LRRTM3: variants seen among roughly 807,000 people sequenced by gnomAD.
LRRTM3 encodes the protein leucine-rich repeat transmembrane neuronal protein 3.
Under a neutral mutation model 44.7 loss-of-function variants are expected in LRRTM3, and 24 were observed. The ratio of observed to expected loss-of-function variants is 0.54; its 90% CI spans 0.39 to 0.76. The LOEUF (loss-of-function observed/expected upper bound fraction) is 0.76. LRRTM3 is among the 30% of genes least tolerant of loss of function. LRRTM3 has a pLI of 0.00. For synonymous variants in LRRTM3, 277 were observed against 278.7 expected, an observed-to-expected ratio of 0.99 and a Z score of 0.06; for missense variants, 587 against 702.2, an observed-to-expected ratio of 0.84 and a Z score of 1.85.
intron 2 of LRRTM3, among the ~76,000 whole-genome samples, chr10:67,085,344 A>C (rs1857245583): frequency 6.6e-6 from 1 of 151,876 alleles, no homozygotes; most frequent in Non-Finnish European, 1.5e-5. Flanking sequence ...CTATGAAATA[A>C]AGTAAGAAAA....
chr10:66,997,095 C>T (rs1851397396), intron 2 of LRRTM3, among the ~76,000 whole-genome samples: 1 of 152,088 alleles, frequency 6.6e-6, no homozygotes, highest in South Asian at 2.1e-4. Context: ...GATGTGATGG[C>T]AAGAATAAGA....
intron 2 of LRRTM3, among the ~76,000 whole-genome samples, chr10:67,086,322 G>GA (rs1302260674): frequency 2.0e-5 from 3 of 152,110 alleles, no homozygotes; most frequent in Admixed American, 1.3e-4. Flanking sequence ...GATGCATACA[G>GA]AATATCACTT....
Position 67,097,771 on chromosome 10 carries a change from G to T in LRRTM3, c.1721G>T (p.Ser574Ile), listed in dbSNP as rs1858099440. Reference protein sequence around the residue: ...LSTITTAGRISDHKQQLA With the variant: ...LSTITTAGRIIDHKQQLA The stretch of plus-strand genomic sequence containing the variant: ...ACAATCACAACAGCTGGCCGAATCA[G>T]TGACCATAAACAGCAGCTAGCTTAA... The change falls in exon 3 of 3, where the codon AGT becomes ATT. Residue 574 changes from serine (S) to isoleucine (I), a missense_variant. Ser to Ile is a moderately radical substitution (Grantham distance 142, BLOSUM62 -2). This residue lies in a region of LRRTM3 where 315 missense variants were observed against 335.6 expected (regional missense o/e 0.94). Coordinates refer to ENST00000361320, the MANE Select transcript of LRRTM3 (RefSeq NM_178011.5). The T allele has an allele frequency of 1.2e-6, 2 of 1,612,434 alleles. No homozygotes were observed. The highest frequency in any genetic ancestry group is 1.7e-6 in the Non-Finnish European group (2 of 1,178,922).
At chr10:67,080,770 G>A (rs1857007739) in intron 2 of LRRTM3, among the ~76,000 whole-genome samples, 2 of 152,030 alleles carry the variant, frequency 1.3e-5, no homozygotes, top group African/African-American at 4.8e-5. Context: ...TTAGCCCGGC[G>A]TGGTGGCGGG....
At chr10:66,994,119 A>G (rs1270639624) in intron 2 of LRRTM3, among the ~76,000 whole-genome samples, 1 of 152,204 alleles carries the variant, frequency 6.6e-6, no homozygotes, top group Non-Finnish European at 1.5e-5. Context: ...AGTAGCATTC[A>G]TGTAGTAAGT....
intron 2 of LRRTM3, among the ~76,000 whole-genome samples, chr10:67,069,093 AAAG>A (rs1856275744): frequency 6.6e-6 from 1 of 152,024 alleles, no homozygotes; most frequent in Non-Finnish European, 1.5e-5. Flanking sequence ...AGAAACAGAA[AAAG>A]AAAAAGAAGA....
chr10:67,097,474 G>A (rs185348201), intron 2 of LRRTM3, 113 bp from the exon 3 acceptor site: 2 of 865,448 alleles, frequency 2.3e-6, no homozygotes, highest in South Asian at 3.1e-5. Flanking sequence ...TGGGCCACAG[G>A]GCCACAGATA....
At position 66,928,240 on chromosome 10, in the gene LRRTM3, T is replaced by G; in HGVS notation, c.1324T>G (p.Trp442Gly). The change falls in exon 2 of 3, where the codon TGG (tryptophan) becomes GGG (glycine). Residue 442 changes from tryptophan to glycine, a missense_variant. This residue lies in a region of LRRTM3 where 315 missense variants were observed against 335.6 expected (regional missense o/e 0.94). Coordinates refer to ENST00000361320, the MANE Select transcript of LRRTM3 (RefSeq NM_178011.5). ...LVILLVIYVS[W>G]KRYPASMKQL... is the part of the protein sequence containing the mutation. ...CATCCTGCTGGTTATCTACGTGTCATGGAAGCGGTACCCTGCGAGCATGAA... is the reference window on the plus strand; with the variant it reads ...CATCCTGCTGGTTATCTACGTGTCAGGGAAGCGGTACCCTGCGAGCATGAA... The G allele has an allele frequency of 6.2e-7, 1 of 1,614,132 alleles. No homozygotes were observed. The highest frequency in any genetic ancestry group is 8.5e-7 in the Non-Finnish European group (1 of 1,180,038).
chr10:66,927,644 T>C lies in LRRTM3; in HGVS notation c.728T>C (p.Val243Ala), dbSNP rs1303817792. The C allele has an allele frequency of 6.2e-7, 1 of 1,614,056 alleles. No individual in the cohort carries two copies. Among genetic ancestry groups the C allele is most frequent in the Non-Finnish European group, 8.5e-7 (1 of 1,180,038 alleles). The change falls in exon 2 of 3, where the codon GTC becomes GCC. Residue 243 changes from valine (V) to alanine (A), a missense_variant. Physicochemically the swap from Val to Ala is moderately conservative, Grantham distance 64. Coordinates refer to ENST00000361320, the MANE Select transcript of LRRTM3 (RefSeq NM_178011.5). The surrounding 1 kb of genome is among the most constrained non-coding windows in gnomAD (Gnocchi z 4.7). ...TACTTGCAGTGGAATAAAATCAGTG[T>C]CATAGGACAGACCATGTCCTGGACC... is the stretch of plus-strand genomic sequence containing the variant. Reference protein sequence around the residue: ...NLYLQWNKISVIGQTMSWTWS... With the variant: ...NLYLQWNKISAIGQTMSWTWS...
intron 2 of LRRTM3, among the ~76,000 whole-genome samples, chr10:66,955,603 T>C (rs1261309772): frequency 2.6e-5 from 4 of 152,112 alleles, no homozygotes; most frequent in Admixed American, 6.6e-5. Flanking sequence ...ACTCAATAAA[T>C]GTTGGATGAA....
intron 2 of LRRTM3, among the ~76,000 whole-genome samples, chr10:66,950,930 G>A (rs1028622451): frequency 3.3e-5 from 5 of 152,016 alleles, no homozygotes; most frequent in Admixed American, 6.5e-5. Context: ...CTGATCTGTC[G>A]GATTCAGCAC....
At chr10:67,034,803 C>T (rs1250217751) in intron 2 of LRRTM3, among the ~76,000 whole-genome samples, 2 of 152,160 alleles carry the variant, frequency 1.3e-5, no homozygotes, top group Non-Finnish European at 2.9e-5. Context: ...CCCAACCTAC[C>T]ATATCAGTCT....
intron 2 of LRRTM3, among the ~76,000 whole-genome samples, chr10:66,983,920 A>C (rs1473477341): frequency 6.6e-6 from 1 of 152,214 alleles, no homozygotes; most frequent in Non-Finnish European, 1.5e-5. Flanking sequence ...CTTTGCATGC[A>C]CTATGTCATT....
chr10:67,069,184 C>G (rs1232762269), intron 2 of LRRTM3, among the ~76,000 whole-genome samples: 1 of 151,910 alleles, frequency 6.6e-6, no homozygotes, highest in African/African-American at 2.4e-5. Flanking sequence ...TAGTCTCAAA[C>G]TTGATTAGTA....
intron 2 of LRRTM3, among the ~76,000 whole-genome samples, chr10:66,970,601 G>A (rs773785224): frequency 1.3e-5 from 2 of 151,904 alleles, no homozygotes; most frequent in Non-Finnish European, 2.9e-5. Context: ...CAAAGAGGAA[G>A]GTATAGAAAT....
At chr10:66,952,292 G>A (rs1848576123) in intron 2 of LRRTM3, among the ~76,000 whole-genome samples, 1 of 152,168 alleles carries the variant, frequency 6.6e-6, no homozygotes, top group African/African-American at 2.4e-5. Flanking sequence ...AAAGTTCTGA[G>A]GCTTTGAAAA....
At chr10:66,939,504 T>C (rs1847887153) in intron 2 of LRRTM3, among the ~76,000 whole-genome samples, 1 of 152,252 alleles carries the variant, frequency 6.6e-6, no homozygotes, top group Admixed American at 6.5e-5. Flanking sequence ...TCTATTTGTA[T>C]TCAACTCTTT....
intron 2 of LRRTM3, among the ~76,000 whole-genome samples, chr10:66,951,900 A>T (rs1848557405): frequency 6.6e-6 from 1 of 152,186 alleles, no homozygotes; most frequent in Non-Finnish European, 1.5e-5. Context: ...GTCCAGCCCT[A>T]AAATAACAGT....
At chr10:66,981,802 C>T (rs191454496) in intron 2 of LRRTM3, among the ~76,000 whole-genome samples, 11 of 152,332 alleles carry the variant, frequency 7.2e-5, no homozygotes, top group East Asian at 1.9e-4. Flanking sequence ...GTTCCTTCAA[C>T]GACTTAAGAA....
Sources: gnomAD v4.1 joint callset for allele counts (sites outside exome capture counted in the v4.1 genomes callset) on GRCh38, gnomAD v4.1.1 for gene constraint, gnomAD v4.1.1 regional missense constraint, Gnocchi (gnomAD v3.1) non-coding constraint, MANE v1.5 for transcripts, NCBI Gene and HGNC (gene_info 2026-07-23, HGNC 2026-07-21) for gene names.